ZNF469: variants seen among roughly 807,000 people sequenced by gnomAD.
The protein encoded by ZNF469 is zinc finger protein 469.
ZNF469 carries 1 observed loss-of-function variant against 1.0 expected under a neutral mutation model. The observed-to-expected ratio is 1.00, with a 90% confidence interval of 0.35 to 4.73. The LOEUF (loss-of-function observed/expected upper bound fraction) is 4.73, where lower values mean the gene tolerates loss of function less well. Among genes scored for constraint, ZNF469 ranks in the 30% most tolerant of loss-of-function variants. The pLI, the probability that ZNF469 is intolerant of heterozygous loss-of-function variation, is 0.16. For synonymous variants in ZNF469, 2,703 were observed against 2,363.4 expected, an observed-to-expected ratio of 1.14 and a Z score of -4.17; for missense variants, 6,100 against 5,356.3, an observed-to-expected ratio of 1.14 and a Z score of -4.33.
rs1049837297 is a variant in ZNF469, at chr16:88,431,847, G to A, written c.4377G>A (p.Leu1459=). The A allele has an allele frequency of 1.3e-6, 2 of 1,549,986 alleles. No individual in the cohort carries two copies. The highest frequency in any genetic ancestry group is 3.9e-5 in the Admixed American group (2 of 51,002). The change falls in exon 3 of 3, where the codon CTG becomes CTA. Residue 1459 remains leucine (L), a synonymous_variant. Coordinates refer to ENST00000565624, the MANE Select transcript of ZNF469 (RefSeq NM_001367624.2). The stretch of plus-strand genomic sequence containing the variant: ...AGTCCTCATCCCTCTTCCCAGACCT[G>A]CCGGTGGACAGATTCGACCCACCCC... ...TLESSSLFPD[L]PVDRFDPPLY... is the part of the protein sequence containing the mutation.
chr16:88,397,838 C>T (rs1425625703), intron 1 of ZNF469, among the ~76,000 whole-genome samples: 3 of 152,160 alleles, frequency 2.0e-5, no homozygotes, highest in African/African-American at 7.2e-5. Flanking sequence ...GCATCCCAGA[C>T]ACTTTGGAGA....
the ZNF469 span, among the ~76,000 whole-genome samples, chr16:88,280,087 C>A: frequency 6.6e-6 from 1 of 151,508 alleles, no homozygotes; most frequent in Non-Finnish European, 1.5e-5. Flanking sequence ...TCAGTCGGTA[C>A]CGTGTACATA....
At chr16:88,170,469 G>A in the ZNF469 span, among the ~76,000 whole-genome samples, 10 of 152,242 alleles carry the variant, frequency 6.6e-5, no homozygotes, top group Admixed American at 3.3e-4. The surrounding 1 kb of genome is among the most constrained non-coding windows in gnomAD (Gnocchi z 4.2). Context: ...CAGCAACCAC[G>A]GCTCTACTCT....
the ZNF469 span, among the ~76,000 whole-genome samples, chr16:88,214,412 G>A: frequency 6.6e-6 from 1 of 151,890 alleles, no homozygotes; most frequent in Admixed American, 6.6e-5. Context: ...ATTTGAAGAG[G>A]GGTGTTAATG....
At chr16:88,117,556 A>G in the ZNF469 span, among the ~76,000 whole-genome samples, 1 of 28,140 alleles carries the variant, frequency 3.6e-5, no homozygotes, top group East Asian at 1.6e-3. Context: ...TACCTGTGGA[A>G]GTGTCACGTG....
At chr16:88,198,950 C>T in the ZNF469 span, among the ~76,000 whole-genome samples, 4 of 152,352 alleles carry the variant, frequency 2.6e-5, no homozygotes, top group East Asian at 7.7e-4. Context: ...GGCTGCTTGA[C>T]AAGACGCTGC....
chr16:88,429,834 G>A lies in ZNF469; in HGVS notation c.2364G>A (p.Ala788=), dbSNP rs1906005747. Residue 788 remains alanine (A), a synonymous_variant, in exon 3 of 3, where the codon GCG becomes GCA. Transcript: ENST00000565624. ...CCAGAGTCCCTGCCGACGCACACGC[G>A]GGCTTGCTCAGCCACGCGAAGACCT... ...AAPRVPADAH[A]GLLSHAKTFL... is the part of the protein sequence containing the mutation. 11 of 1,546,958 alleles carry A rather than the reference G, an allele frequency of 7.1e-6. No individual in the cohort carries two copies. Among genetic ancestry groups the A allele is most frequent in the Non-Finnish European group, 9.6e-6 (11 of 1,144,720 alleles).
At chr16:88,300,101 C>T in the ZNF469 span, among the ~76,000 whole-genome samples, 2 of 152,338 alleles carry the variant, frequency 1.3e-5, no homozygotes, top group South Asian at 2.1e-4. Flanking sequence ...ACCATTGTCC[C>T]TTGATTGCCT....
chr16:88,220,795 C>T, the ZNF469 span, among the ~76,000 whole-genome samples: 3 of 152,212 alleles, frequency 2.0e-5, no homozygotes, highest in Admixed American at 1.3e-4. Flanking sequence ...CCCCTACACC[C>T]TTGAACATTC....
the ZNF469 span, among the ~76,000 whole-genome samples, chr16:88,203,979 G>C: frequency 6.6e-6 from 1 of 152,172 alleles, no homozygotes; most frequent in East Asian, 1.9e-4. Flanking sequence ...GCAGCTGGAG[G>C]TGCCCCATGA....
chr16:88,397,413 C>G (rs754886972), intron 1 of ZNF469, among the ~76,000 whole-genome samples: 23 of 152,146 alleles, frequency 1.5e-4, no homozygotes, highest in Non-Finnish European at 3.2e-4. Context: ...TCTGCCTGCC[C>G]TCATCCCAGC....
chr16:88,196,636 C>T, the ZNF469 span, among the ~76,000 whole-genome samples: 1 of 152,212 alleles, frequency 6.6e-6, no homozygotes, highest in African/African-American at 2.4e-5. Context: ...ACAGGGCCTA[C>T]AGGTTGGCTG....
the ZNF469 span, among the ~76,000 whole-genome samples, chr16:88,367,836 C>T: frequency 6.6e-6 from 1 of 152,186 alleles, no homozygotes; most frequent in South Asian, 2.1e-4. Context: ...TTCCAAGAGA[C>T]ATATTTATCA....
chr16:88,325,161 A>ACACACAGGG, the ZNF469 span, among the ~76,000 whole-genome samples: 8 of 116,280 alleles, frequency 6.9e-5, no homozygotes, highest in African/African-American at 2.7e-4. Context: ...CAGCTGCGAC[A>ACACACAGGG]TACACAGGGC....
the ZNF469 span, among the ~76,000 whole-genome samples, chr16:88,350,829 G>T: frequency 2.0e-5 from 3 of 152,154 alleles, no homozygotes; most frequent in Non-Finnish European, 2.9e-5. Flanking sequence ...TCTAGAATTT[G>T]GAAAAGGCAA....
chr16:88,249,000 C>T, the ZNF469 span, among the ~76,000 whole-genome samples: 1 of 152,166 alleles, frequency 6.6e-6, no homozygotes, highest in Admixed American at 6.5e-5. Context: ...GACTGTGTGT[C>T]CGTGTGTCTT....
the ZNF469 span, among the ~76,000 whole-genome samples, chr16:88,293,425 A>G: frequency 6.6e-6 from 1 of 152,060 alleles, no homozygotes. Flanking sequence ...GGATGGATGG[A>G]TGGTTAAATC....
At chr16:88,221,425 A>G in the ZNF469 span, among the ~76,000 whole-genome samples, 2 of 152,158 alleles carry the variant, frequency 1.3e-5, no homozygotes, top group African/African-American at 2.4e-5. Context: ...CGCTCTTCAC[A>G]TGCAGGCAGC....
At chr16:88,226,210 T>C in the ZNF469 span, among the ~76,000 whole-genome samples, 8 of 152,040 alleles carry the variant, frequency 5.3e-5, no homozygotes, top group African/African-American at 1.9e-4. Context: ...TTGGGTTGAA[T>C]TGTGTCCCCC....
Sources: gnomAD v4.1 joint callset for allele counts (sites outside exome capture counted in the v4.1 genomes callset) on GRCh38, gnomAD v4.1.1 for gene constraint, Gnocchi (gnomAD v3.1) non-coding constraint, MANE v1.5 for transcripts, NCBI Gene and HGNC (gene_info 2026-07-23, HGNC 2026-07-21) for gene names.